The following BTD variants were observed in gnomAD, a reference collection of about 807,000 sequenced individuals.
BTD encodes the protein biocytinase.
BTD carries 13 observed loss-of-function variants against 17.7 expected under a neutral mutation model. The observed-to-expected ratio is 0.74, with a 90% CI of 0.48 to 1.17. The LOEUF (loss-of-function observed/expected upper bound fraction) is 1.17. Ranked by LOEUF, BTD falls within the 50% of genes most tolerant of loss-of-function variation. The pLI, the probability that BTD is intolerant of heterozygous loss-of-function variation, is 0.00. For missense variants in BTD, 674 were observed against 650.4 expected, an observed-to-expected ratio of 1.04 and a Z score of -0.39; for synonymous variants, 240 against 245.2, an observed-to-expected ratio of 0.98 and a Z score of 0.20.
At chr3:15,618,241 A>T (rs1433150099) in intron 1 of BTD, among the ~76,000 whole-genome samples, 1 of 152,254 alleles carries the variant, frequency 6.6e-6, no homozygotes. Flanking sequence ...TGCTGAGCTT[A>T]CAGGCATAAG....
chr3:15,693,617 C>T (rs911996105), intron 3 of BTD, among the ~76,000 whole-genome samples: 2 of 152,130 alleles, frequency 1.3e-5, no homozygotes, highest in Non-Finnish European at 2.9e-5. Flanking sequence ...GCTGCTGCTG[C>T]TGCTGCTGCT....
intron 3 of BTD, among the ~76,000 whole-genome samples, chr3:15,678,857 G>T (rs978362142): frequency 6.6e-6 from 1 of 152,158 alleles, no homozygotes; most frequent in Non-Finnish European, 1.5e-5. Flanking sequence ...AAAAATAATT[G>T]AGATCTTATA....
At position 15,645,836 on chromosome 3, in the gene BTD, GTT is replaced by G. The variant is rs1199838348; in HGVS notation, c.*364_*365del. On this transcript the variant is annotated 3_prime_UTR_variant, in exon 4 of 4. Transcript: ENST00000643237. ...CACATCCACAAAGCAGTGGCTTGGGGTTTTTTTTTTTTTTTTTATCTTGTTGA... is the reference window on the plus strand; with the variant it reads ...CACATCCACAAAGCAGTGGCTTGGGGTTTTTTTTTTTTTTTATCTTGTTGA... 0.013 allele frequency: 1,962 copies of G among 151,052 alleles called. 14 individuals carry two copies. The highest frequency in any genetic ancestry group is 0.03 in the African/African-American group (1,064 of 35,234). The allele number at this position is 151,052 out of a possible 1,614,324, so 9.4% of individuals were successfully genotyped here. A position where few individuals can be genotyped will look rare whatever the true frequency, so the allele number is the denominator to read the frequency against.
In BTD at chr3:15,650,157, CTGAA is replaced by C. The variant is rs565441164; in HGVS notation, c.*4687_*4690del. The stretch of plus-strand genomic sequence containing the variant: ...AAATCTGCTCTATGCTTGCTGACTG[CTGAA>C]TGAATGAATGAATGAATAGGTAGTC... On this transcript the variant is annotated 3_prime_UTR_variant, in exon 4 of 4. Coordinates refer to ENST00000643237, the MANE Select transcript of BTD (RefSeq NM_001370658.1). 2.2e-4 allele frequency among the ~76,000 whole-genome samples: 34 copies of C among 152,112 alleles called. No homozygotes were observed. Among genetic ancestry groups the C allele is most frequent in the Admixed American group, 3.9e-4 (6 of 15,268 alleles).
At chr3:15,602,947 A>G (rs150509938) in intron 1 of BTD, among the ~76,000 whole-genome samples, 332 of 152,308 alleles carry the variant, frequency 2.2e-3, no homozygotes, top group Non-Finnish European at 3.8e-3. Context: ...AGGCCTCACA[A>G]TCATGGCAGA....
At chr3:15,605,533 A>C (rs912812657) in intron 1 of BTD, among the ~76,000 whole-genome samples, 4 of 152,236 alleles carry the variant, frequency 2.6e-5, no homozygotes, top group Non-Finnish European at 5.9e-5. Flanking sequence ...GTATCTAAAA[A>C]GAAAATGCAG....
upstream of BTD, chr3:15,601,495 G>C: frequency 6.2e-7 from 1 of 1,610,792 alleles, no homozygotes; most frequent in Non-Finnish European, 8.5e-7. Context: ...CACTCACGCA[G>C]CCGGCAAACA....
chr3:15,678,430 G>A (rs1575103418), intron 3 of BTD: 1 of 1,402,642 alleles, frequency 7.1e-7, no homozygotes, highest in Non-Finnish European at 9.6e-7. Flanking sequence ...TTTAATTTGT[G>A]ACATGCTGTT....
intron 1 of BTD, among the ~76,000 whole-genome samples, chr3:15,615,347 A>C (rs1490631197): frequency 2.6e-5 from 4 of 152,206 alleles, no homozygotes; most frequent in Non-Finnish European, 1.5e-5. Flanking sequence ...GAGATGTACA[A>C]GTTTCTACGT....
intron 3 of BTD, among the ~76,000 whole-genome samples, chr3:15,687,992 C>A (rs2068339350): frequency 6.6e-6 from 1 of 152,120 alleles, no homozygotes; most frequent in Admixed American, 6.5e-5. Context: ...CTATAGACCT[C>A]CAAATTTGAA....
exon 4 of BTD, among the ~76,000 whole-genome samples, chr3:15,710,229 C>T (rs1451451353): frequency 6.6e-6 from 1 of 152,150 alleles, no homozygotes; most frequent in African/African-American, 2.4e-5. Flanking sequence ...TTCTCCTATA[C>T]TATGACTGTT....
At chr3:15,668,829 GT>G (rs2066119345) in intron 3 of BTD, 2 of 152,520 alleles carry the variant, frequency 1.3e-5, no homozygotes, top group Non-Finnish European at 2.9e-5. Flanking sequence ...ATGTCATAAA[GT>G]TTCCAGTTTC....
intron 1 of BTD, among the ~76,000 whole-genome samples, chr3:15,629,449 C>T (rs1402643908): frequency 6.6e-6 from 1 of 152,094 alleles, no homozygotes; most frequent in East Asian, 1.9e-4. Flanking sequence ...GTCTGATCAC[C>T]CAGAATCTCC....
At chr3:15,669,607 A>C (rs1015575723) in intron 3 of BTD, 1 of 152,164 alleles carries the variant, frequency 6.6e-6, no homozygotes, top group African/African-American at 2.4e-5. Context: ...TAAAAGAAAA[A>C]AATGTAAAAA....
At chr3:15,654,924 G>C (rs766156133), downstream of BTD, among the ~76,000 whole-genome samples, 7 of 152,106 alleles carry the variant, frequency 4.6e-5, no homozygotes, top group Admixed American at 1.3e-4. Context: ...GTAGAGACGG[G>C]GTTTCTTCAT....
intron 1 of BTD, among the ~76,000 whole-genome samples, chr3:15,605,221 AG>A (rs2064410094): frequency 6.6e-6 from 1 of 152,248 alleles, no homozygotes; most frequent in Admixed American, 6.5e-5. Context: ...ATGGCTGGAG[AG>A]ACGTCACAAT....
intron 1 of BTD, among the ~76,000 whole-genome samples, chr3:15,625,619 G>A (rs1346955229): frequency 1.3e-5 from 2 of 152,110 alleles, no homozygotes; most frequent in Non-Finnish European, 2.9e-5. Flanking sequence ...GCAGTGGTGC[G>A]ATCTCGGCTC....
chr3:15,620,804 G>A (rs1254244273), intron 1 of BTD, among the ~76,000 whole-genome samples: 1 of 152,248 alleles, frequency 6.6e-6, no homozygotes, highest in Non-Finnish European at 1.5e-5. Flanking sequence ...TCCCATAACA[G>A]GGAGACAGTG....
At chr3:15,698,269 C>T (rs1318365092) in intron 3 of BTD, among the ~76,000 whole-genome samples, 1 of 152,026 alleles carries the variant, frequency 6.6e-6, no homozygotes, top group African/African-American at 2.4e-5. Flanking sequence ...TATGACAAAC[C>T]CACAGCCAAT....
Sources: gnomAD v4.1 joint callset for allele counts (sites outside exome capture counted in the v4.1 genomes callset) on GRCh38, gnomAD v4.1.1 for gene constraint, MANE v1.5 for transcripts, NCBI Gene and HGNC (gene_info 2026-07-23, HGNC 2026-07-21) for gene names.